AVEN: variants seen among roughly 807,000 people sequenced by gnomAD.
AVEN encodes the protein cell death regulator Aven.
Under a neutral mutation model 38.1 loss-of-function variants are expected in AVEN, and 41 were observed. The observed-to-expected ratio is 1.08, with a 90% CI of 0.84 to 1.40. AVEN has a LOEUF of 1.40. Among genes scored for constraint, AVEN ranks in the 40% most tolerant of loss-of-function variants. The pLI is 0.00. For synonymous variants in AVEN, 206 were observed against 171.8 expected (o/e 1.20, Z -1.56); for missense variants, 605 against 438.8 (o/e 1.38, Z -3.38).
At chr15:33,988,494 T>C (rs1196411312) in intron 2 of AVEN, among the ~76,000 whole-genome samples, 1 of 152,168 alleles carries the variant, frequency 6.6e-6, no homozygotes, top group African/African-American at 2.4e-5. Flanking sequence ...AATGTGCCCG[T>C]GTAACACATC....
In AVEN at chr15:34,063,664, C is replaced by T; in HGVS notation, n.1127-232G>A. On this transcript the variant is annotated intron_variant and non_coding_transcript_variant, in intron 4 of 11. Transcript: ENST00000675287. This position sits in a 1 kb window ranked among gnomAD's most constrained non-coding sequence, Gnocchi z 4.1. ...TCCTCAGAGGATGAGGACAAGCCCG[C>T]CACTGACCCTGTCCTCCAAGTGGTC... 1 of 1,614,172 alleles carries T rather than the reference C, an allele frequency of 6.2e-7. No individual in the cohort carries two copies. Among genetic ancestry groups the T allele is most frequent in the South Asian group, 1.1e-5 (1 of 91,082 alleles).
chr15:33,991,584 C>T (rs1022829497), intron 2 of AVEN: 2 of 151,420 alleles, frequency 1.3e-5, no homozygotes, highest in African/African-American at 2.4e-5. Context: ...TTTGGGATGA[C>T]TTAGATAATG....
intron 3 of AVEN, 128 bp downstream of exon 3, chr15:33,875,797 T>C (rs1891198888): frequency 8.2e-6 from 7 of 854,396 alleles, no homozygotes; most frequent in Middle Eastern, 4.7e-4. Flanking sequence ...CTGAAAAGTT[T>C]AGCTGAGGGT....
At chr15:33,860,046 T>C (rs2080167909) in intron 11 of AVEN, among the ~76,000 whole-genome samples, 1 of 152,188 alleles carries the variant, frequency 6.6e-6, no homozygotes, top group Admixed American at 6.5e-5. Flanking sequence ...CTTCATTTTC[T>C]TCCCAGAGAG....
intron 1 of AVEN, among the ~76,000 whole-genome samples, chr15:34,073,096 A>G (rs1900662150): frequency 6.7e-6 from 1 of 149,998 alleles, no homozygotes; most frequent in Non-Finnish European, 1.5e-5. Context: ...GCTGGAGTGC[A>G]GTGGCACGAT....
intron 2 of AVEN, among the ~76,000 whole-genome samples, chr15:33,928,017 G>A (rs1893693559): frequency 6.6e-6 from 1 of 152,160 alleles, no homozygotes; most frequent in African/African-American, 2.4e-5. Context: ...TGAAGTAGGT[G>A]GGTAGTGGAG....
At chr15:33,906,160 T>A (rs1450309021) in intron 2 of AVEN, among the ~76,000 whole-genome samples, 2 of 152,132 alleles carry the variant, frequency 1.3e-5, no homozygotes, top group Non-Finnish European at 2.9e-5. Flanking sequence ...TGGAGTGAAT[T>A]GTGTGTGCTT....
At chr15:33,865,437 CGAA>C (rs1271160219), downstream of AVEN, 16 of 495,458 alleles carry the variant, frequency 3.2e-5, no homozygotes, top group African/African-American at 1.3e-4. Context: ...GTCAAAATGT[CGAA>C]GAAGGAAGGC....
At chr15:33,910,315 C>T (rs926069821) in intron 2 of AVEN, among the ~76,000 whole-genome samples, 2 of 151,970 alleles carry the variant, frequency 1.3e-5, no homozygotes, top group African/African-American at 4.8e-5. Flanking sequence ...TGCTGGACAA[C>T]TAGTAAGATG....
At chr15:33,861,030 G>A (rs1215715362) in intron 11 of AVEN, 6 of 1,327,372 alleles carry the variant, frequency 4.5e-6, no homozygotes, top group Non-Finnish European at 6.4e-6. Context: ...TTTCTCTCCT[G>A]CCTATATTAT....
chr15:33,986,867 C>T (rs1163654474), intron 2 of AVEN, among the ~76,000 whole-genome samples: 1 of 152,104 alleles, frequency 6.6e-6, no homozygotes, highest in African/African-American at 2.4e-5. Context: ...CCATGTTAGC[C>T]AGGATGGTCT....
At chr15:34,064,117 T>C in intron 4 of AVEN, 1 of 1,614,230 alleles carries the variant, frequency 6.2e-7, no homozygotes, top group Non-Finnish European at 8.5e-7. Context: ...GTTTCTACCT[T>C]CTGTGACAAG....
intron 2 of AVEN, among the ~76,000 whole-genome samples, chr15:33,987,030 T>C (rs520032): frequency 0.93 from 142,342 of 152,274 alleles, 67,132 homozygotes; most frequent in Non-Finnish European, 1. Flanking sequence ...TCACCACAGG[T>C]TATGAAAAGC....
intron 4 of AVEN, 120 bp from the exon 5 acceptor site, chr15:33,867,975 T>C: frequency 1.5e-6 from 2 of 1,359,812 alleles, no homozygotes; most frequent in East Asian, 2.4e-5. Context: ...TCAATTCAGA[T>C]AGTTCACAAA....
intron 1 of AVEN, among the ~76,000 whole-genome samples, chr15:34,031,862 T>C (rs1898852385): frequency 6.6e-6 from 1 of 152,124 alleles, no homozygotes; most frequent in Non-Finnish European, 1.5e-5. Context: ...CAAAACCCAC[T>C]CAAAAGTGAA....
At chr15:33,935,199 ATC>A (rs1444510195) in intron 2 of AVEN, among the ~76,000 whole-genome samples, 2 of 152,186 alleles carry the variant, frequency 1.3e-5, no homozygotes, top group African/African-American at 2.4e-5. Context: ...AATTGAAAAC[ATC>A]TCTTTCCACA....
chr15:33,904,710 T>TACACACGC (rs1369829949), intron 2 of AVEN, among the ~76,000 whole-genome samples: 1 of 121,092 alleles, frequency 8.3e-6, no homozygotes, highest in Non-Finnish European at 1.7e-5. Context: ...TATATATATA[T>TACACACGC]ATATATACAC....
rs149990632 is a variant in AVEN, at chr15:33,886,767, G to A, written c.446-10772C>T. ...TTATCCAGTCTTGGGTATGTCCTTA[G>A]AGCAGTGTGAGAATTGACTAATACA... On this transcript the variant is annotated intron_variant, in intron 2 of 5. Coordinates refer to ENST00000306730, the MANE Select transcript of AVEN (RefSeq NM_020371.3). Among the ~76,000 whole-genome samples the A allele has an allele frequency of 3.6e-3, 550 of 152,292 alleles. 3 individuals are homozygous for A. The highest frequency in any genetic ancestry group is 0.016 in the South Asian group (76 of 4,828).
chr15:33,971,293 T>C, intron 2 of AVEN, among the ~76,000 whole-genome samples: 1 of 152,192 alleles, frequency 6.6e-6, no homozygotes, highest in East Asian at 1.9e-4. Context: ...ACATATTATA[T>C]AAAAGTATTA....
Sources: allele counts gnomAD v4.1 joint callset (sites outside exome capture counted in the v4.1 genomes callset), GRCh38; gene constraint gnomAD v4.1.1; non-coding constraint Gnocchi (gnomAD v3.1); transcripts MANE v1.5; gene names NCBI Gene and HGNC (gene_info 2026-07-23, HGNC 2026-07-21).